The following NRXN2 variants were observed in gnomAD, a reference collection of about 807,000 sequenced individuals.
NRXN2 encodes neurexin 2.
A neutral mutation model predicts 128.8 loss-of-function variants in NRXN2; 29 were observed. The ratio of observed to expected loss-of-function variants is 0.23; its 90% CI spans 0.17 to 0.31. NRXN2 has a LOEUF of 0.31. Ranked by LOEUF, NRXN2 falls within the 10% of genes least tolerant of loss-of-function variation. NRXN2 has a pLI of 1.00. For missense variants in NRXN2, 1,881 were observed against 2,452.6 expected, an observed-to-expected ratio of 0.77 and a Z score of 4.92; for synonymous variants, 1,098 against 1,075.2, an observed-to-expected ratio of 1.02 and a Z score of -0.41.
Position 64,648,992 on chromosome 11 carries a change from C to G in NRXN2, c.3110-85G>C. The G allele has an allele frequency of 7.0e-7, 1 of 1,425,440 alleles. No individual in the cohort carries two copies. The highest frequency in any genetic ancestry group is 9.9e-7 in the Non-Finnish European group (1 of 1,013,690). The allele number at this position is 1,425,440 out of a possible 1,614,324, so 88.3% of individuals were successfully genotyped here. On this transcript the variant is annotated intron_variant, in intron 15 of 22. Coordinates refer to ENST00000265459, the MANE Select transcript of NRXN2 (RefSeq NM_015080.4). The surrounding 1 kb of genome is among the most constrained non-coding windows in gnomAD (Gnocchi z 4.1). Reference sequence around the variant, plus strand: ...GCATCTGGCTGTCAGGTCCTCCCAGCCTTCTCAGGTTCTCTGCGTTCCATC... The same window carrying G: ...GCATCTGGCTGTCAGGTCCTCCCAGGCTTCTCAGGTTCTCTGCGTTCCATC...
At chr11:64,619,723 T>A (rs1341384935) in intron 22 of NRXN2, among the ~76,000 whole-genome samples, 1 of 152,146 alleles carries the variant, frequency 6.6e-6, no homozygotes, top group African/African-American at 2.4e-5. Flanking sequence ...ACTATCGGAT[T>A]CAGAGCAGTC....
At chr11:64,711,398 G>A (rs761517634) in intron 2 of NRXN2, among the ~76,000 whole-genome samples, 9 of 152,264 alleles carry the variant, frequency 5.9e-5, no homozygotes, top group Non-Finnish European at 1.0e-4. Context: ...ACGCGCATGC[G>A]CCGCCCCCAG....
At chr11:64,707,639 CACA>C (rs1319779998) in intron 2 of NRXN2, among the ~76,000 whole-genome samples, 1 of 152,202 alleles carries the variant, frequency 6.6e-6, no homozygotes, top group African/African-American at 2.4e-5. Flanking sequence ...ATTTAATTTT[CACA>C]ACAACTCTAT....
At chr11:64,611,306 T>C (rs542827665) in intron 22 of NRXN2, among the ~76,000 whole-genome samples, 2 of 152,286 alleles carry the variant, frequency 1.3e-5, no homozygotes, top group East Asian at 3.9e-4. Flanking sequence ...ATGGAGAGCT[T>C]ACCTTGGCAG....
chr11:64,697,373 C>A (rs888885943), intron 3 of NRXN2, among the ~76,000 whole-genome samples: 3 of 152,174 alleles, frequency 2.0e-5, no homozygotes, highest in Non-Finnish European at 4.4e-5. Context: ...GGGGCAACAG[C>A]CCACCCCAGC....
At chr11:64,626,316 G>A (rs1462127388) in intron 20 of NRXN2, 147 bp downstream of exon 20, 3 of 664,480 alleles carry the variant, frequency 4.5e-6, no homozygotes, top group Non-Finnish European at 5.3e-6. Flanking sequence ...TGACTCCAAA[G>A]GGGAAGGGAG....
rs1467279067 is a variant in NRXN2, at chr11:64,676,994, A to T, written c.1196T>A (p.Leu399Gln). 6.2e-7 allele frequency: 1 copy of T among 1,613,364 alleles called. No homozygotes were observed. Among genetic ancestry groups the T allele is most frequent in the Non-Finnish European group, 8.5e-7 (1 of 1,179,666 alleles). The change falls in exon 7 of 23, where the codon CTG (leucine) becomes CAG (glutamine). Residue 399 changes from leucine to glutamine, a missense_variant and splice_region_variant. Transcript: ENST00000265459. ...TAAGACAATTAGAGTGATATCTACC[A>T]GATAATGCAGTTTGTTTACCATAGC... ...GHAMVNKLHY[L>Q]VTISVDGILT...
rs1592138353 is a variant in NRXN2, at chr11:64,690,338, C to CA, written c.850+66dup. The CA allele has an allele frequency of 4.1e-6, 6 of 1,453,680 alleles. No homozygotes were observed. In the East Asian group the frequency reaches 1.4e-4, roughly 34 times the overall value. 90.0% of individuals were successfully genotyped at this position (1,453,680 alleles called of 1,614,324 possible). ...TGCCTGCGTTGACTTGGCTTCCCCC[C>CA]AGGAAGCACAGTTAGCCTGCAGCAG... On this transcript the variant is annotated intron_variant, in intron 5 of 22. Coordinates refer to ENST00000265459, the MANE Select transcript of NRXN2 (RefSeq NM_015080.4).
At chr11:64,706,976 G>C (rs35612267) in intron 2 of NRXN2, among the ~76,000 whole-genome samples, 2 of 141,876 alleles carry the variant, frequency 1.4e-5, no homozygotes, top group African/African-American at 2.7e-5. Flanking sequence ...TTTTGAGACA[G>C]AGTCTTGCTG....
rs1015629044 is a variant in NRXN2, at chr11:64,667,748, T to TC, written c.1360-61dup. On this transcript the variant is annotated intron_variant, in intron 8 of 22. Transcript: ENST00000265459. This position sits in a 1 kb window ranked among gnomAD's most constrained non-coding sequence, Gnocchi z 5.6. ...CGAAAGCAGCTTAGGGCCTGGCCAC[T>TC]CCCACCCAGCAGCGAGCACCAGGGG... The TC allele has an allele frequency of 1.9e-6, 3 of 1,553,094 alleles. No homozygotes were observed.
chr11:64,712,095 A>G (rs1007011568), intron 2 of NRXN2, among the ~76,000 whole-genome samples: 26 of 152,044 alleles, frequency 1.7e-4, no homozygotes, highest in Middle Eastern at 3.4e-3. Context: ...CCTGCCCCAA[A>G]GCCCCGCCAC....
At position 64,660,741 on chromosome 11, in the gene NRXN2, G is replaced by A; in HGVS notation, c.2185+12C>T. 1 of 1,609,188 alleles carries A rather than the reference G, an allele frequency of 6.2e-7. No individual in the cohort carries two copies. Among genetic ancestry groups the A allele is most frequent in the African/African-American group, 1.3e-5 (1 of 75,032 alleles). On this transcript the variant is annotated intron_variant, in intron 10 of 22. Coordinates refer to ENST00000265459, the MANE Select transcript of NRXN2 (RefSeq NM_015080.4). The surrounding 1 kb of genome is among the most constrained non-coding windows in gnomAD (Gnocchi z 5.2). ...AGGGAGCAGGGACACCTAGGATGAA[G>A]ACCAGCCTCACCTCTCTCACAGACC...
chr11:64,713,771 G>C lies in NRXN2; in HGVS notation c.-72C>G. On this transcript the variant is annotated 5_prime_UTR_variant, in exon 2 of 23. Coordinates refer to ENST00000265459, the MANE Select transcript of NRXN2 (RefSeq NM_015080.4). ...CTTCAGAGCCGCGGGCGCATGGGGC[G>C]GGAGGGGGCCGGGCGCTCCCCGCGC... 3 of 878,464 alleles carry C rather than the reference G, an allele frequency of 3.4e-6. No homozygotes were observed. Among genetic ancestry groups the C allele is most frequent in the Non-Finnish European group, 2.8e-6 (2 of 726,010 alleles). The allele number at this position is 878,464 out of a possible 1,614,324, so 54.4% of individuals were successfully genotyped here. A position where few individuals can be genotyped will look rare whatever the true frequency, so the allele number is the denominator to read the frequency against.
chr11:64,709,503 A>G (rs2056685974), intron 2 of NRXN2, among the ~76,000 whole-genome samples: 1 of 152,126 alleles, frequency 6.6e-6, no homozygotes, highest in Non-Finnish European at 1.5e-5. Context: ...CAGAGTGGGG[A>G]GAGAAAAGAA....
chr11:64,715,053 G>C (rs2057255355), intron 1 of NRXN2, among the ~76,000 whole-genome samples: 1 of 152,110 alleles, frequency 6.6e-6, no homozygotes, highest in South Asian at 2.1e-4. Flanking sequence ...AGAGGGGAGA[G>C]AAAGAGGAAG....
chr11:64,677,595 G>A (rs746662757), intron 6 of NRXN2, among the ~76,000 whole-genome samples: 1 of 152,182 alleles, frequency 6.6e-6, no homozygotes, highest in Non-Finnish European at 1.5e-5. Context: ...AGTCGGCAAC[G>A]GGGTTTTCCA....
intron 5 of NRXN2, among the ~76,000 whole-genome samples, chr11:64,687,463 C>G (rs1199473424): frequency 1.3e-5 from 2 of 152,248 alleles, no homozygotes; most frequent in Non-Finnish European, 2.9e-5. Flanking sequence ...CCTGGCACAG[C>G]ACTCACTGCA....
chr11:64,669,136 GGA>G (rs2050291690), intron 7 of NRXN2, among the ~76,000 whole-genome samples: 1 of 152,216 alleles, frequency 6.6e-6, no homozygotes, highest in South Asian at 2.1e-4. Context: ...CTTTCAGTCT[GGA>G]CCCAGTAGGG....
chr11:64,692,012 G>A (rs895083069), intron 4 of NRXN2, among the ~76,000 whole-genome samples: 5 of 152,208 alleles, frequency 3.3e-5, no homozygotes, highest in Admixed American at 6.5e-5. Flanking sequence ...AGGGCTAGAG[G>A]AGGCCAGAGC....
Sources: allele counts gnomAD v4.1 joint callset (sites outside exome capture counted in the v4.1 genomes callset), GRCh38; gene constraint gnomAD v4.1.1; non-coding constraint Gnocchi (gnomAD v3.1); transcripts MANE v1.5; gene names NCBI Gene and HGNC (gene_info 2026-07-23, HGNC 2026-07-21).